The following NCALD variants were observed in gnomAD, a reference collection of about 807,000 sequenced individuals.
The protein encoded by NCALD is neurocalcin delta, also known as neurocalcin-delta.
Under a neutral mutation model 18.6 loss-of-function variants are expected in NCALD, and 10 were observed. That is an observed-to-expected ratio of 0.54 (90% CI 0.33 to 0.91). The LOEUF (loss-of-function observed/expected upper bound fraction) is 0.91, where lower values mean the gene tolerates loss of function less well. Ranked by LOEUF, NCALD falls within the 40% of genes least tolerant of loss-of-function variation. The pLI is 0.03. For missense variants in NCALD, 184 were observed against 247.6 expected (o/e 0.74, Z 1.72); for synonymous variants, 88 against 87.4 (o/e 1.01, Z -0.04).
chr8:102,124,819 A>G (rs1172105264), upstream of NCALD: 1 of 152,150 alleles, frequency 6.6e-6, no homozygotes, highest in Non-Finnish European at 1.5e-5. Flanking sequence ...GCTTTTGTCT[A>G]ACTAGTGCTT....
chr8:101,800,121 T>C (rs952138759), intron 4 of NCALD, among the ~76,000 whole-genome samples: 9 of 152,296 alleles, frequency 5.9e-5, no homozygotes, highest in African/African-American at 2.2e-4. Flanking sequence ...AGAAAAATGA[T>C]TCCAGATGGA....
At chr8:101,920,150 G>A (rs576237760) in intron 2 of NCALD, among the ~76,000 whole-genome samples, 3 of 152,196 alleles carry the variant, frequency 2.0e-5, no homozygotes, top group African/African-American at 7.2e-5. Context: ...CCAACTATTT[G>A]GGAGGCTGAA....
intron 2 of NCALD, among the ~76,000 whole-genome samples, chr8:101,916,529 C>G (rs1370332580): frequency 2.6e-5 from 4 of 152,118 alleles, no homozygotes; most frequent in African/African-American, 4.8e-5. Flanking sequence ...ATCACTATTA[C>G]TTGAATGCAA....
chr8:102,007,265 A>C (rs1006938706), intron 2 of NCALD, among the ~76,000 whole-genome samples: 1 of 152,256 alleles, frequency 6.6e-6, no homozygotes, highest in Non-Finnish European at 1.5e-5. Flanking sequence ...AAGAAGTTAG[A>C]AAAAGCTGGG....
chr8:102,074,300 C>T (rs768599192), intron 1 of NCALD, among the ~76,000 whole-genome samples: 1 of 152,134 alleles, frequency 6.6e-6, no homozygotes, highest in Non-Finnish European at 1.5e-5. Flanking sequence ...ACAAGTGGTA[C>T]AAAGGCAGAG....
intron 2 of NCALD, among the ~76,000 whole-genome samples, chr8:101,944,505 T>C (rs960534706): frequency 6.6e-6 from 1 of 152,220 alleles, no homozygotes; most frequent in Admixed American, 6.5e-5. Flanking sequence ...AGTGCCTCTC[T>C]CTGCAAAGAG....
chr8:101,877,418 TC>T (rs1478231831), intron 4 of NCALD, among the ~76,000 whole-genome samples: 2 of 152,160 alleles, frequency 1.3e-5, no homozygotes, highest in Admixed American at 6.5e-5. Context: ...TATCCAGCAT[TC>T]CTAGTTACCC....
chr8:102,020,836 C>G (rs546159436), intron 1 of NCALD, among the ~76,000 whole-genome samples: 1 of 152,280 alleles, frequency 6.6e-6, no homozygotes, highest in Admixed American at 6.5e-5. Context: ...CATCTCTGTA[C>G]CATTGCCTGA....
intron 3 of NCALD, among the ~76,000 whole-genome samples, chr8:101,901,884 G>C (rs541249985): frequency 6.6e-6 from 1 of 151,894 alleles, no homozygotes; most frequent in Non-Finnish European, 1.5e-5. Flanking sequence ...TCTGCCTCCT[G>C]AGTTCAAGTG....
chr8:101,984,061 T>C (rs887536639), intron 2 of NCALD, among the ~76,000 whole-genome samples: 23 of 152,220 alleles, frequency 1.5e-4, no homozygotes, highest in Non-Finnish European at 1.5e-5. Context: ...ATTTTCAGTC[T>C]AGCAATCTTC....
chr8:101,893,640 A>C, intron 3 of NCALD, among the ~76,000 whole-genome samples: 1 of 124,494 alleles, frequency 8.0e-6, no homozygotes, highest in Non-Finnish European at 1.6e-5. Flanking sequence ...AGAGACACAC[A>C]TAGGCTCAAA....
chr8:101,883,558 C>G (rs529440508), intron 4 of NCALD, among the ~76,000 whole-genome samples: 61 of 152,276 alleles, frequency 4.0e-4, no homozygotes, highest in Non-Finnish European at 6.8e-4. Flanking sequence ...CCTGGTTTCC[C>G]TCTCGTTTTC....
intron 2 of NCALD, among the ~76,000 whole-genome samples, chr8:101,952,024 C>T (rs1819444606): frequency 6.6e-6 from 1 of 152,172 alleles, no homozygotes; most frequent in South Asian, 2.1e-4. Context: ...ACTTTTTTAT[C>T]ATGTCAACAA....
intron 1 of NCALD, chr8:101,788,888 C>A (rs1021631984): frequency 2.0e-5 from 3 of 152,098 alleles, no homozygotes; most frequent in African/African-American, 7.2e-5. Context: ...CTCTTATTTT[C>A]CCATAGGAAA....
At chr8:101,731,159 C>T (rs1306023179) in intron 1 of NCALD, among the ~76,000 whole-genome samples, 1 of 152,088 alleles carries the variant, frequency 6.6e-6, no homozygotes, top group African/African-American at 2.4e-5. Context: ...GGGCTCTAAA[C>T]TGGAGGCGTG....
At chr8:101,819,991 T>C (rs984908874) in intron 4 of NCALD, among the ~76,000 whole-genome samples, 20 of 152,234 alleles carry the variant, frequency 1.3e-4, no homozygotes, top group Admixed American at 2.0e-4. Context: ...TGTTAAACTC[T>C]CTTTATTGTC....
In NCALD at chr8:101,974,215, T is replaced by C. The variant is rs559945074; in HGVS notation, c.-157+46022A>G. ...TCCCATTTTATCAATTTTCATTTCA[T>C]TGAAAGTAATGGCAAAACCCGCAAT... On this transcript the variant is annotated intron_variant, in intron 2 of 6. Coordinates refer to the NCALD transcript ENST00000311028. 2.6e-5 allele frequency among the ~76,000 whole-genome samples: 4 copies of C among 152,340 alleles called. No homozygotes were observed. In the South Asian group the frequency reaches 8.3e-4, roughly 32 times the overall value.
intron 2 of NCALD, among the ~76,000 whole-genome samples, chr8:101,700,815 C>T (rs1815229108): frequency 6.6e-6 from 1 of 152,144 alleles, no homozygotes; most frequent in South Asian, 2.1e-4. Flanking sequence ...ATACAACAAA[C>T]AACTCCCACT....
At chr8:102,008,918 A>ACC (rs1821807619) in intron 2 of NCALD, among the ~76,000 whole-genome samples, 1 of 3,898 alleles carries the variant, frequency 2.6e-4, no homozygotes, top group Non-Finnish European at 7.2e-4. Flanking sequence ...CCGCCCCCCT[A>ACC]CACACACACA....
Sources: allele counts gnomAD v4.1 joint callset (sites outside exome capture counted in the v4.1 genomes callset), GRCh38; gene constraint gnomAD v4.1.1; transcripts MANE v1.5; gene names NCBI Gene and HGNC (gene_info 2026-07-23, HGNC 2026-07-21).